ZBTB7C: variants seen among roughly 807,000 people sequenced by gnomAD.
ZBTB7C encodes zinc finger and BTB domain-containing protein 7C.
ZBTB7C carries 8 observed loss-of-function variants against 25.7 expected under a neutral mutation model. The observed-to-expected ratio is 0.31, with a 90% confidence interval of 0.18 to 0.56. The LOEUF is 0.56. Among genes scored for constraint, ZBTB7C ranks in the 20% least tolerant of loss-of-function variants. ZBTB7C has a pLI of 0.91. For synonymous variants in ZBTB7C, 394 were observed against 369.0 expected, an observed-to-expected ratio of 1.07 and a Z score of -0.78; for missense variants, 824 against 855.2, an observed-to-expected ratio of 0.96 and a Z score of 0.46.
chr18:48,369,887 CA>C (rs1349072313), intron 1 of ZBTB7C, among the ~76,000 whole-genome samples: 1 of 152,072 alleles, frequency 6.6e-6, no homozygotes, highest in Non-Finnish European at 1.5e-5. Context: ...CACCATCAAC[CA>C]ATAGAATCTA....
At chr18:48,082,068 A>C (rs965247202) in intron 3 of ZBTB7C, among the ~76,000 whole-genome samples, 1 of 152,210 alleles carries the variant, frequency 6.6e-6, no homozygotes, top group African/African-American at 2.4e-5. Context: ...TCTACGCATT[A>C]GAGGAGGCCA....
chr18:48,347,626 C>G (rs1313991646), intron 1 of ZBTB7C, among the ~76,000 whole-genome samples: 2 of 152,156 alleles, frequency 1.3e-5, no homozygotes, highest in East Asian at 3.9e-4. Context: ...GGGTGGGCAG[C>G]CTCTTCCCTT....
chr18:48,187,393 G>A (rs552336613), intron 2 of ZBTB7C, among the ~76,000 whole-genome samples: 191 of 152,228 alleles, frequency 1.3e-3, no homozygotes, highest in African/African-American at 4.5e-3. Flanking sequence ...AAGGAAATTC[G>A]GATACAGGCT....
chr18:48,294,037 C>T (rs1015352459), intron 2 of ZBTB7C, among the ~76,000 whole-genome samples: 1 of 152,158 alleles, frequency 6.6e-6, no homozygotes, highest in African/African-American at 2.4e-5. Context: ...CTGCTATGGC[C>T]ACCGTGGGAG....
intron 3 of ZBTB7C, among the ~76,000 whole-genome samples, chr18:48,057,358 G>A (rs1404653403): frequency 6.6e-6 from 1 of 152,044 alleles, no homozygotes; most frequent in African/African-American, 2.4e-5. Context: ...ATCAATAGAG[G>A]CTTGCTAGAT....
chr18:48,356,939 A>G (rs1297746167), intron 1 of ZBTB7C, among the ~76,000 whole-genome samples: 1 of 152,090 alleles, frequency 6.6e-6, no homozygotes, highest in African/African-American at 2.4e-5. Context: ...CTAAACTTCT[A>G]AACACTGCCC....
intron 2 of ZBTB7C, among the ~76,000 whole-genome samples, chr18:48,232,010 A>G (rs2043268282): frequency 6.6e-6 from 1 of 152,198 alleles, no homozygotes; most frequent in Non-Finnish European, 1.5e-5. Flanking sequence ...TCATTTGCTC[A>G]CATACCCCTC....
intron 2 of ZBTB7C, among the ~76,000 whole-genome samples, chr18:48,336,195 A>G (rs1438432148): frequency 6.6e-6 from 1 of 152,054 alleles, no homozygotes; most frequent in Non-Finnish European, 1.5e-5. Flanking sequence ...TCCACCTAAA[A>G]CCACATTTTC....
intron 2 of ZBTB7C, among the ~76,000 whole-genome samples, chr18:48,248,604 T>G (rs1487303904): frequency 6.6e-6 from 1 of 152,226 alleles, no homozygotes; most frequent in Non-Finnish European, 1.5e-5. Context: ...ATTAGTTATG[T>G]TTTTGCTTAT....
intron 3 of ZBTB7C, chr18:48,169,917 G>C (rs764684613): frequency 3.9e-5 from 6 of 152,364 alleles, no homozygotes; most frequent in Non-Finnish European, 8.8e-5. Context: ...GGATGATAAA[G>C]TCTCTGTTCT....
chr18:48,409,798 T>G (rs1266308490), upstream of ZBTB7C, among the ~76,000 whole-genome samples: 1 of 151,968 alleles, frequency 6.6e-6, no homozygotes, highest in Non-Finnish European at 1.5e-5. Flanking sequence ...TTCTCTTTCT[T>G]TCCTTTTTTC....
chr18:48,297,410 C>T (rs2045426412), intron 2 of ZBTB7C, among the ~76,000 whole-genome samples: 2 of 152,126 alleles, frequency 1.3e-5, no homozygotes, highest in Admixed American at 1.3e-4. Context: ...GGTCCCACTC[C>T]CCACTGCCCT....
chr18:48,110,222 C>T (rs1217585973), intron 3 of ZBTB7C, among the ~76,000 whole-genome samples: 4 of 152,218 alleles, frequency 2.6e-5, no homozygotes, highest in African/African-American at 9.6e-5. Flanking sequence ...GGCCCCACCA[C>T]AGTCCATACC....
chr18:48,288,883 G>A (rs1473005237), intron 2 of ZBTB7C, among the ~76,000 whole-genome samples: 3 of 152,104 alleles, frequency 2.0e-5, no homozygotes, highest in Non-Finnish European at 4.4e-5. Flanking sequence ...TGTTACAGCA[G>A]CCTGAATAGA....
At chr18:48,167,971 G>T (rs1180974608) in intron 3 of ZBTB7C, among the ~76,000 whole-genome samples, 1 of 152,228 alleles carries the variant, frequency 6.6e-6, no homozygotes, top group Non-Finnish European at 1.5e-5. Context: ...CTTTCAGAGT[G>T]TGGGGAAGAG....
chr18:48,048,327 G>T (rs2036553272), intron 3 of ZBTB7C, among the ~76,000 whole-genome samples: 1 of 152,178 alleles, frequency 6.6e-6, no homozygotes, highest in East Asian at 1.9e-4. Flanking sequence ...AATCCGGAAT[G>T]GATCTGGAGA....
At chr18:48,384,107 C>T (rs1188806897) in intron 1 of ZBTB7C, among the ~76,000 whole-genome samples, 2 of 152,120 alleles carry the variant, frequency 1.3e-5, no homozygotes, top group Non-Finnish European at 2.9e-5. Context: ...GTCAAATCAA[C>T]AAGACTAGAG....
At chr18:48,363,138 C>T (rs1238833744) in intron 1 of ZBTB7C, among the ~76,000 whole-genome samples, 1 of 152,192 alleles carries the variant, frequency 6.6e-6, no homozygotes, top group Non-Finnish European at 1.5e-5. Flanking sequence ...TAGAACGCAC[C>T]TGAAAGATAC....
chr18:48,058,047 T>C (rs1395375527), intron 3 of ZBTB7C, among the ~76,000 whole-genome samples: 1 of 152,204 alleles, frequency 6.6e-6, no homozygotes, highest in African/African-American at 2.4e-5. Flanking sequence ...ATTTACTATA[T>C]AGCACCAAGG....
Sources: allele counts gnomAD v4.1 joint callset (sites outside exome capture counted in the v4.1 genomes callset), GRCh38; gene constraint gnomAD v4.1.1; transcripts MANE v1.5; gene names NCBI Gene and HGNC (gene_info 2026-07-23, HGNC 2026-07-21).